Variants in POC1A observed in about 807,000 individuals in gnomAD.
POC1A encodes POC1 centriolar protein A.
Under a neutral mutation model 47.8 loss-of-function variants are expected in POC1A, and 34 were observed. The ratio of observed to expected loss-of-function variants is 0.71; its 90% confidence interval spans 0.54 to 0.95. POC1A has a LOEUF of 0.95. Among genes scored for constraint, POC1A ranks in the 40% least tolerant of loss-of-function variants. POC1A has a pLI of 0.00. For missense variants in POC1A, 466 were observed against 528.3 expected, an observed-to-expected ratio of 0.88 and a Z score of 1.16; for synonymous variants, 177 against 207.6, an observed-to-expected ratio of 0.85 and a Z score of 1.27.
At chr3:52,150,116 G>A in intron 2 of POC1A, 129 bp from the exon 3 acceptor site, 1 of 712,922 alleles carries the variant, frequency 1.4e-6, no homozygotes, top group Non-Finnish European at 2.3e-6. Context: ...CAGACCGTGA[G>A]AAGTCTCCCA....
At chr3:52,120,353 GA>G (rs762837856) in intron 9 of POC1A, among the ~76,000 whole-genome samples, 1 of 152,150 alleles carries the variant, frequency 6.6e-6, no homozygotes, top group East Asian at 1.9e-4. Context: ...CCTGAAGGTT[GA>G]CACCACATGG....
intron 9 of POC1A, 65 bp from the exon 10 acceptor site, chr3:52,096,777 T>C (rs577046033): frequency 3.0e-6 from 4 of 1,335,724 alleles, no homozygotes; most frequent in East Asian, 5.2e-5. Flanking sequence ...GTGAGAGGAA[T>C]AGCCCCTCCA....
At chr3:52,114,529 T>C (rs1180140221) in intron 9 of POC1A, among the ~76,000 whole-genome samples, 9 of 152,324 alleles carry the variant, frequency 5.9e-5, no homozygotes, top group South Asian at 2.1e-4. Context: ...GTGAGGATGC[T>C]GGGCTCCTTT....
At chr3:52,108,403 G>A (rs1488351464) in intron 9 of POC1A, among the ~76,000 whole-genome samples, 1 of 152,218 alleles carries the variant, frequency 6.6e-6, no homozygotes, top group East Asian at 1.9e-4. Flanking sequence ...AGCTCTCAGT[G>A]ACAAAGAGGA....
At chr3:52,126,367 G>A (rs2107110727) in intron 7 of POC1A, among the ~76,000 whole-genome samples, 1 of 152,348 alleles carries the variant, frequency 6.6e-6, no homozygotes, top group East Asian at 1.9e-4. Flanking sequence ...CAGGTTGAGA[G>A]GTGCCATTCA....
intron 7 of POC1A, among the ~76,000 whole-genome samples, chr3:52,131,883 A>G (rs1704227861): frequency 6.6e-6 from 1 of 152,150 alleles, no homozygotes; most frequent in South Asian, 2.1e-4. Context: ...CAGAGGCCAC[A>G]GCCCCATGCC....
chr3:52,119,810 C>T (rs1703703562), intron 9 of POC1A, among the ~76,000 whole-genome samples: 1 of 152,128 alleles, frequency 6.6e-6, no homozygotes, highest in Non-Finnish European at 1.5e-5. Flanking sequence ...CACAAAACAG[C>T]CCCCCACAGC....
intron 9 of POC1A, among the ~76,000 whole-genome samples, chr3:52,114,898 T>C (rs1703507799): frequency 6.6e-6 from 1 of 152,184 alleles, no homozygotes; most frequent in Non-Finnish European, 1.5e-5. Context: ...CAAGCTCTCA[T>C]TCACACCGAT....
In POC1A at chr3:52,130,677, C is replaced by T. The variant is rs551172300; in HGVS notation, c.814-5496G>A. ...CCCTCCTGAGCATCAAAACAGTCCT[C>T]CAAAATGCCTAGACAGGAGCTACAG... On this transcript the variant is annotated intron_variant, in intron 7 of 10. Coordinates refer to ENST00000296484, the MANE Select transcript of POC1A (RefSeq NM_015426.5). Among the ~76,000 whole-genome samples the T allele has an allele frequency of 9.2e-5, 14 of 152,328 alleles. No homozygotes were observed. In the East Asian group the frequency reaches 2.7e-3, roughly 29 times the overall value.
chr3:52,089,061 G>T (rs1257768490), intron 10 of POC1A, among the ~76,000 whole-genome samples: 2 of 151,806 alleles, frequency 1.3e-5, no homozygotes, highest in Non-Finnish European at 2.9e-5. Context: ...CGGGATAAAA[G>T]ATAGAAAACC....
chr3:52,125,056 G>A, intron 8 of POC1A, 57 bp downstream of exon 8: 1 of 1,358,414 alleles, frequency 7.4e-7, no homozygotes, highest in Non-Finnish European at 1.1e-6. Context: ...TTGGTTCTGA[G>A]CAGAAATCAG....
chr3:52,104,282 T>A (rs745424704), intron 9 of POC1A, among the ~76,000 whole-genome samples: 18 of 152,156 alleles, frequency 1.2e-4, no homozygotes, highest in Non-Finnish European at 2.2e-4. Context: ...TAATCAATAG[T>A]GACAGAAAGC....
rs371985281 is a variant in POC1A at position 52,085,944 on chromosome 3, C to A, written c.1126-9959G>T. On this transcript the variant is annotated intron_variant, in intron 10 of 10. Coordinates refer to ENST00000296484, the MANE Select transcript of POC1A (RefSeq NM_015426.5). ...TCCGGGATGTTGGGGGAGCCATGGG[C>A]ACAGATGGGGCTTGATGAGGCCCCA... Among the ~76,000 whole-genome samples the A allele has an allele frequency of 2.6e-5, 4 of 152,302 alleles. No homozygotes were observed. In the South Asian group the frequency reaches 8.3e-4, roughly 32 times the overall value.
At position 52,144,311 on chromosome 3, in the gene POC1A, G is replaced by A. The variant is rs115009124; in HGVS notation, c.679+1535C>T. Among the ~76,000 whole-genome samples, 570 of 152,368 alleles carry A rather than the reference G, an allele frequency of 3.7e-3. 2 individuals are homozygous for A. The highest frequency in any genetic ancestry group is 6.2e-3 in the Non-Finnish European group (419 of 68,028). The stretch of plus-strand genomic sequence containing the variant: ...GGCCCAGAGCAGAAGGCTGAAGGAA[G>A]GATAGGAAAGATATGGGCTCCAAGT... On this transcript the variant is annotated intron_variant, in intron 6 of 10. Coordinates refer to ENST00000296484, the MANE Select transcript of POC1A (RefSeq NM_015426.5).
intron 10 of POC1A, among the ~76,000 whole-genome samples, chr3:52,091,147 C>T (rs1028837292): frequency 5.3e-5 from 8 of 151,982 alleles, no homozygotes; most frequent in Admixed American, 1.3e-4. Flanking sequence ...ACAGGACAGG[C>T]GTGTGCTCTC....
chr3:52,094,059 A>T (rs1702727614), intron 10 of POC1A, among the ~76,000 whole-genome samples: 1 of 152,082 alleles, frequency 6.6e-6, no homozygotes, highest in South Asian at 2.1e-4. Flanking sequence ...TTCCCTCTCA[A>T]AGGCCACTCT....
At position 52,149,384 on chromosome 3, in the gene POC1A, C is replaced by T. The variant is rs1450234901; in HGVS notation, c.281G>A (p.Gly94Asp). The T allele has an allele frequency of 6.2e-7, 1 of 1,613,762 alleles. No homozygotes were observed. The highest frequency in any genetic ancestry group is 2.2e-5 in the East Asian group (1 of 44,864). Reference protein sequence around the residue: ...TVRIWVPNVKGESTVFRAHTA... With the variant: ...TVRIWVPNVKDESTVFRAHTA... ...GTGTGCACGAAACACAGTGGACTCA[C>T]CTTTGCTACAAGGACAGGCATCCAA... is the stretch of plus-strand genomic sequence containing the variant. Residue 94 changes from glycine (G) to aspartate (D), a missense_variant, in exon 4 of 11, where the codon GGT (glycine) becomes GAT (aspartate). Gly to Asp is a moderately conservative substitution (Grantham distance 94). Coordinates refer to ENST00000296484, the MANE Select transcript of POC1A (RefSeq NM_015426.5).
At chr3:52,111,608 T>C (rs553278150) in intron 9 of POC1A, among the ~76,000 whole-genome samples, 20 of 148,614 alleles carry the variant, frequency 1.3e-4, no homozygotes, top group Non-Finnish European at 2.4e-4. Context: ...ATCGCGCTAT[T>C]GCATTCCAGC....
At chr3:52,133,900 C>A (rs1422875308) in intron 7 of POC1A, among the ~76,000 whole-genome samples, 2 of 152,206 alleles carry the variant, frequency 1.3e-5, no homozygotes, top group Non-Finnish European at 2.9e-5. Context: ...CTGTCCACTT[C>A]TCAGATGCAG....
Sources: allele counts gnomAD v4.1 joint callset (sites outside exome capture counted in the v4.1 genomes callset), GRCh38; gene constraint gnomAD v4.1.1; transcripts MANE v1.5; gene names NCBI Gene and HGNC (gene_info 2026-07-23, HGNC 2026-07-21).